Variants in EIF2B1 observed in about 807,000 individuals in gnomAD.
EIF2B1 encodes eukaryotic translation initiation factor 2B subunit alpha, also known as translation initiation factor eIF2B subunit alpha.
Under a neutral mutation model 36.8 loss-of-function variants are expected in EIF2B1, and 30 were observed. The observed-to-expected ratio is 0.81, with a 90% CI of 0.61 to 1.10. EIF2B1 has a LOEUF of 1.10. Ranked by LOEUF, EIF2B1 falls within the 50% of genes least tolerant of loss-of-function variation. EIF2B1 has a pLI of 0.00. For missense variants in EIF2B1, 271 were observed against 374.8 expected (o/e 0.72, Z 2.29); for synonymous variants, 139 against 142.2 (o/e 0.98, Z 0.16).
rs925257376 is a variant in EIF2B1, at chr12:123,623,559, G to A, written c.628-798C>T. Among the ~76,000 whole-genome samples, 9 of 151,778 alleles carry A rather than the reference G, an allele frequency of 5.9e-5. No homozygotes were observed. In the South Asian group the frequency reaches 8.3e-4, roughly 14 times the overall value. The stretch of plus-strand genomic sequence containing the variant: ...CTCAACACTCTGCCTGCAGACCTCC[G>A]CCTCCCAGGTTCAAGCGATTCTCCT... On this transcript the variant is annotated intron_variant, in intron 7 of 8. Transcript: ENST00000424014.
intron 1 of EIF2B1, 122 bp downstream of exon 1, chr12:123,633,423 C>A: frequency 6.8e-7 from 1 of 1,461,896 alleles, no homozygotes; most frequent in South Asian, 1.1e-5. Flanking sequence ...GGAAACACAA[C>A]CAGCGGAGCA....
At position 123,621,862 on chromosome 12, in the gene EIF2B1, G is replaced by A. The variant is rs768150025; in HGVS notation, c.812C>T (p.Pro271Leu). 2.5e-6 allele frequency: 4 copies of A among 1,614,054 alleles called. No homozygotes were observed. Among genetic ancestry groups the A allele is most frequent in the South Asian group, 1.1e-5 (1 of 91,070 alleles). Residue 271 changes from proline to leucine, a missense_variant, in exon 9 of 9, where the codon CCG (proline) becomes CTG (leucine). Transcript: ENST00000424014. ...QTGQDLKEEH[P>L]WVDYTAPSLI... ...GGAAGGGGCAGTGTAGTCGACCCAC[G>A]GATGCTCCTCTTTGAGGTCTTGTCC... is the stretch of plus-strand genomic sequence containing the variant.
At chr12:123,626,589 T>C in intron 5 of EIF2B1, 96 bp from the exon 6 acceptor site, 1 of 1,370,892 alleles carries the variant, frequency 7.3e-7, no homozygotes, top group South Asian at 1.2e-5. Context: ...TGCTTGAAAC[T>C]CACATTAATA....
At chr12:123,632,924 T>C (rs4561285) in intron 1 of EIF2B1, among the ~76,000 whole-genome samples, 3,969 of 131,432 alleles carry the variant, frequency 0.03, 135 homozygotes, top group African/African-American at 0.094. Context: ...CCAGCCTGGG[T>C]GACAGAGCGA....
chr12:123,622,394 T>C (rs1196960812), intron 8 of EIF2B1, among the ~76,000 whole-genome samples: 1 of 152,200 alleles, frequency 6.6e-6, no homozygotes, highest in Non-Finnish European at 1.5e-5. Flanking sequence ...AGCCCAAAGC[T>C]GGGACTTACC....
At chr12:123,628,351 CTTTTTTTTTTT>C (rs958119194) in intron 4 of EIF2B1, among the ~76,000 whole-genome samples, 1 of 74,980 alleles carries the variant, frequency 1.3e-5, no homozygotes, top group African/African-American at 5.5e-5. Context: ...CCCATAACCT[CTTTTTTTTTTT>C]TTTTTTTTTT....
At position 123,622,678 on chromosome 12, in the gene EIF2B1, C is replaced by G. The variant is rs1566213893; in HGVS notation, c.711G>C (p.Arg237=). 6.2e-7 allele frequency: 1 copy of G among 1,614,170 alleles called. No homozygotes were observed. Residue 237 remains arginine (R), a synonymous_variant, in exon 8 of 9, where the codon CGG becomes CGC. Coordinates refer to ENST00000424014, the MANE Select transcript of EIF2B1 (RefSeq NM_001414.4). ...CGTCTTGCTGGTTTAGTGGAAAGAG[C>G]CGGACAAACTTGAAACTTTCTGCAA... The part of the protein sequence containing the change: ...YVVAESFKFV[R]LFPLNQQDVP...
chr12:123,622,796 G>C (rs1239755788), intron 7 of EIF2B1, 35 bp from the exon 8 acceptor site: 3 of 1,612,000 alleles, frequency 1.9e-6, no homozygotes, highest in South Asian at 2.2e-5. Flanking sequence ...ATGAGCTCTA[G>C]AGTGCATCTG....
intron 2 of EIF2B1, 36 bp downstream of exon 2, chr12:123,632,308 TA>T: frequency 8.4e-7 from 1 of 1,184,478 alleles, no homozygotes; most frequent in Non-Finnish European, 1.3e-6. Flanking sequence ...AAGACTATCC[TA>T]AGTCCCAGAG....
chr12:123,631,987 C>T (rs113015977), intron 2 of EIF2B1, among the ~76,000 whole-genome samples: 1 of 144,552 alleles, frequency 6.9e-6, no homozygotes, highest in African/African-American at 2.6e-5. Context: ...AAAAAACAAA[C>T]GGCCGGGCAC....
intron 4 of EIF2B1, among the ~76,000 whole-genome samples, chr12:123,628,968 G>A (rs1009972862): frequency 6.6e-6 from 1 of 152,040 alleles, no homozygotes; most frequent in African/African-American, 2.4e-5. Context: ...CAATACTGAC[G>A]GCACAGCAGG....
intron 2 of EIF2B1, among the ~76,000 whole-genome samples, chr12:123,631,768 C>G (rs555154678): frequency 6.4e-4 from 96 of 150,990 alleles, no homozygotes; most frequent in African/African-American, 2.3e-3. Context: ...GATGGCACCA[C>G]TGCACTCCAG....
Position 123,621,697 on chromosome 12 carries a change from C to A in EIF2B1, c.*59G>T. ...TGGCCTGACTCACTGGGGTGTCAAG[C>A]AGCTACTCACCCTGCCTCAACTACG... On this transcript the variant is annotated 3_prime_UTR_variant, in exon 9 of 9. Transcript: ENST00000424014. 1 of 1,610,444 alleles carries A rather than the reference C, an allele frequency of 6.2e-7. No individual in the cohort carries two copies. Among genetic ancestry groups the A allele is most frequent in the South Asian group, 1.1e-5 (1 of 90,752 alleles).
At chr12:123,632,736 G>A (rs978403243) in intron 1 of EIF2B1, among the ~76,000 whole-genome samples, 19 of 151,792 alleles carry the variant, frequency 1.3e-4, no homozygotes, top group African/African-American at 4.6e-4. Flanking sequence ...CACGAGGTCA[G>A]GAGATCGAGA....
intron 4 of EIF2B1, among the ~76,000 whole-genome samples, chr12:123,628,954 C>T (rs1252405231): frequency 6.6e-6 from 1 of 152,146 alleles, no homozygotes; most frequent in Non-Finnish European, 1.5e-5. Context: ...AAACGAAACC[C>T]GCACAATACT....
Position 123,630,462 on chromosome 12 carries a change from C to A in EIF2B1, c.187G>T (p.Val63Leu). 6.2e-7 allele frequency: 1 copy of A among 1,614,084 alleles called. No individual in the cohort carries two copies. The highest frequency in any genetic ancestry group is 8.5e-7 in the Non-Finnish European group (1 of 1,180,032). ...AGCTCCCCGCCAGAGGACACTGCCA[C>A]AGAGGAGTCCACACCACACAGGGTT... Reference protein sequence around the residue: ...IETLCGVDSSVAVSSGGELFL... With the variant: ...IETLCGVDSSLAVSSGGELFL... Residue 63 changes from valine (V) to leucine (L), a missense_variant, in exon 3 of 9, where the codon GTG becomes TTG. Val to Leu is a conservative substitution (Grantham distance 32). Coordinates refer to ENST00000424014, the MANE Select transcript of EIF2B1 (RefSeq NM_001414.4). The surrounding 1 kb of genome is among the most constrained non-coding windows in gnomAD (Gnocchi z 4.6).
rs770588351 is a variant in EIF2B1 at position 123,633,603 on chromosome 12, C to T, written c.-46G>A. ...CCCCAGGGGACCCGAGCCGCCCGCG[C>T]TGTCTCGAACGGGTCCGCCGGCCGC... On this transcript the variant is annotated 5_prime_UTR_variant, in exon 1 of 9. Transcript: ENST00000424014. The T allele has an allele frequency of 1.9e-6, 3 of 1,603,648 alleles. No homozygotes were observed. In the South Asian group the frequency reaches 3.3e-5, roughly 18 times the overall value.
In EIF2B1 at chr12:123,621,498, T is replaced by C. The variant is rs77672690; in HGVS notation, c.*258A>G. On this transcript the variant is annotated 3_prime_UTR_variant, in exon 9 of 9. Coordinates refer to ENST00000424014, the MANE Select transcript of EIF2B1 (RefSeq NM_001414.4). ...CAGTTAAGTAGCCAATTATCTAACT[T>C]GTATTTCTGGAAACTGAAAAGGAAA... 6.5e-3 allele frequency: 3,199 copies of C among 495,352 alleles called. 56 individuals are homozygous for C. The highest frequency in any genetic ancestry group is 0.047 in the Admixed American group (1,456 of 30,656). 30.7% of individuals were successfully genotyped at this position (495,352 alleles called of 1,614,324 possible).
At chr12:123,623,054 C>CA (rs1161695464) in intron 7 of EIF2B1, among the ~76,000 whole-genome samples, 3 of 151,546 alleles carry the variant, frequency 2.0e-5, no homozygotes, top group Non-Finnish European at 4.4e-5. Flanking sequence ...ACTTTGGAAT[C>CA]AAAAAAATAA....
Sources: gnomAD v4.1 joint callset for allele counts (sites outside exome capture counted in the v4.1 genomes callset) on GRCh38, gnomAD v4.1.1 for gene constraint, Gnocchi (gnomAD v3.1) non-coding constraint, MANE v1.5 for transcripts, NCBI Gene and HGNC (gene_info 2026-07-23, HGNC 2026-07-21) for gene names.